The following OR10G7 variants were observed in gnomAD, a reference collection of about 807,000 sequenced individuals.
OR10G7 encodes olfactory receptor 10G7.
For missense variants in OR10G7, 338 were observed against 382.1 expected (o/e 0.88, Z 0.96); for synonymous variants, 165 against 167.4 (o/e 0.99, Z 0.11).
intron 1 of OR10G7, among the ~76,000 whole-genome samples, chr11:124,039,699 C>T (rs1316039026): frequency 6.6e-6 from 1 of 152,086 alleles, no homozygotes; most frequent in Admixed American, 6.5e-5. Context: ...TGGTACCGGT[C>T]CATGGCCTGT....
intron 1 of OR10G7, among the ~76,000 whole-genome samples, chr11:124,040,432 C>T (rs1401049600): frequency 6.6e-6 from 1 of 151,608 alleles, no homozygotes; most frequent in Non-Finnish European, 1.5e-5. Context: ...ATTATATTTT[C>T]AAGAGAAAAT....
rs470208 is a variant in OR10G7, at chr11:124,038,734, T to C, written c.268A>G (p.Thr90Ala). 3,160 of 1,612,360 alleles carry C rather than the reference T, an allele frequency of 2.0e-3. 84 individuals carry two copies. The African/African-American group carries it at 0.033, about 17-fold the overall frequency. ...LMTLVSPSGR[T>A]ISFHSCVAQL... The stretch of plus-strand genomic sequence containing the variant: ...GCCACGCAGCTGTGGAAGGAGATAG[T>C]CCTGCCGCTTGGGGACACCAAGGTC... The change falls in exon 2 of 2, where the codon ACT becomes GCT. Residue 90 changes from threonine (T) to alanine (A), a missense_variant. Coordinates refer to ENST00000641585, the MANE Select transcript of OR10G7 (RefSeq NM_001004463.2).
rs1864211917 is a variant in OR10G7 at position 124,038,405 on chromosome 11, A to T, written c.597T>A (p.Phe199Leu). The T allele has an allele frequency of 6.2e-7, 1 of 1,614,050 alleles. No homozygotes were observed. The highest frequency in any genetic ancestry group is 8.5e-7 in the Non-Finnish European group (1 of 1,179,982). ...ADTSANEMVI[F>L]VNIGLVASGC... is the part of the protein sequence containing the mutation. ...CCGAGGCCACTAGCCCAATATTCAC[A>T]AAGATGACCATCTCGTTGGCTGAGG... The change falls in exon 2 of 2, where the codon TTT (phenylalanine) becomes TTA (leucine). Residue 199 changes from phenylalanine (F) to leucine (L), a missense_variant. Coordinates refer to ENST00000641585, the MANE Select transcript of OR10G7 (RefSeq NM_001004463.2).
At chr11:124,040,163 G>T (rs187740244) in intron 1 of OR10G7, among the ~76,000 whole-genome samples, 1 of 152,160 alleles carries the variant, frequency 6.6e-6, no homozygotes, top group East Asian at 1.9e-4. Flanking sequence ...TCTAAAGTAT[G>T]ATCAAATAAT....
At chr11:124,040,568 T>TGG (rs200920182) in intron 1 of OR10G7, among the ~76,000 whole-genome samples, 68 of 151,694 alleles carry the variant, frequency 4.5e-4, no homozygotes, top group African/African-American at 1.5e-3. Flanking sequence ...ACATTTTTTG[T>TGG]GGGGGGGGCT....
rs140026196 is a variant in OR10G7, at chr11:124,038,427, G to T, written c.575C>A (p.Ser192Ter). 2,675 of 1,613,970 alleles carry T rather than the reference G, an allele frequency of 1.7e-3. 53 individuals carry two copies. The African/African-American group carries it at 0.029, about 18-fold the overall frequency. ...CACAAAGATGACCATCTCGTTGGCTGAGGTGTCTGCACAGGCCAGTTTCAG... is the reference window on the plus strand; with the variant it reads ...CACAAAGATGACCATCTCGTTGGCTTAGGTGTCTGCACAGGCCAGTTTCAG... ...PILKLACADT[S>*]ANEMVIFVNI... The change falls in exon 2 of 2, where the codon TCA becomes TAA. Residue 192 changes from serine to a stop codon, truncating the protein, a stop_gained. Coordinates refer to ENST00000641585, the MANE Select transcript of OR10G7 (RefSeq NM_001004463.2). LOFTEE classifies it low-confidence loss of function (END_TRUNC).
chr11:124,038,963 C>A lies in OR10G7; in HGVS notation c.39G>T (p.Thr13=). 6.2e-7 allele frequency: 1 copy of A among 1,613,298 alleles called. No homozygotes were observed. Among genetic ancestry groups the A allele is most frequent in the South Asian group, 1.1e-5 (1 of 91,038 alleles). The change falls in exon 2 of 2, where the codon ACG becomes ACT. Residue 13 remains threonine (T), a synonymous_variant. Transcript: ENST00000641585. ...CCAGCCCTGGGGCATGGGGAAGGCC[C>A]GTGAGGATGAACGCTGTCAGTAGGG... ...NATLLTAFIL[T]GLPHAPGLDA...
At chr11:124,039,938 C>T (rs1173637692) in intron 1 of OR10G7, among the ~76,000 whole-genome samples, 1 of 150,934 alleles carries the variant, frequency 6.6e-6, no homozygotes, top group African/African-American at 2.4e-5. Flanking sequence ...AAATTGTCTT[C>T]CATTAAACCA....
Position 124,038,171 on chromosome 11 carries a change from C to T in OR10G7, c.831G>A (p.Thr277=), listed in dbSNP as rs755802892. The T allele has an allele frequency of 5.6e-6, 9 of 1,614,058 alleles. No homozygotes were observed. The highest frequency in any genetic ancestry group is 4.5e-5 in the East Asian group (2 of 44,880). ...CAACAGGGTTGAAAAGAGGAGTCAG[C>T]GTGGTGTAGAAAACGGCCACAACCC... ...LHGVVAVFYT[T]LTPLFNPVVY... The change falls in exon 2 of 2, where the codon ACG becomes ACA. Residue 277 remains threonine, a synonymous_variant. Transcript: ENST00000641585.
Position 124,038,203 on chromosome 11 carries a change from A to G in OR10G7, c.799T>C (p.Leu267=). 6.2e-7 allele frequency: 1 copy of G among 1,614,008 alleles called. No homozygotes were observed. The highest frequency in any genetic ancestry group is 8.5e-7 in the Non-Finnish European group (1 of 1,179,994). Residue 267 remains leucine, a synonymous_variant, in exon 2 of 2, where the codon TTG becomes CTG. Coordinates refer to ENST00000641585, the MANE Select transcript of OR10G7 (RefSeq NM_001004463.2). ...IYLRPGSRDA[L]HGVVAVFYTT... is the part of the protein sequence containing the mutation. ...TAGAAAACGGCCACAACCCCATGCA[A>G]GGCGTCCCTGGAGCCTGGCCTCAGG...
Position 124,038,098 on chromosome 11 carries a change from T to C in OR10G7, c.904A>G (p.Lys302Glu), listed in dbSNP as rs1864206399. 6.2e-7 allele frequency: 1 copy of C among 1,613,070 alleles called. No individual in the cohort carries two copies. The highest frequency in any genetic ancestry group is 1.3e-5 in the African/African-American group (1 of 74,876). Residue 302 changes from lysine to glutamate, a missense_variant, in exon 2 of 2, where the codon AAA (lysine) becomes GAA (glutamate). By Grantham distance (56) the Lys-to-Glu change is moderately conservative (BLOSUM62 1). Coordinates refer to ENST00000641585, the MANE Select transcript of OR10G7 (RefSeq NM_001004463.2). ...KEVKKALLKL[K>E]NGSVFAQGE ...CCCTGAGCAAATACTGACCCATTTT[T>C]CAGCTTCAACAGAGCTTTCTTTACC...
chr11:124,038,104 T>C lies in OR10G7; in HGVS notation c.898A>G (p.Lys300Glu), dbSNP rs553750424. 1.2e-6 allele frequency: 2 copies of C among 1,613,572 alleles called. No homozygotes were observed. The highest frequency in any genetic ancestry group is 3.3e-5 in the Admixed American group (2 of 59,932). Residue 300 changes from lysine to glutamate, a missense_variant, in exon 2 of 2, where the codon AAG becomes GAG. Coordinates refer to ENST00000641585, the MANE Select transcript of OR10G7 (RefSeq NM_001004463.2). ...RNKEVKKALL[K>E]LKNGSVFAQG... ...GCAAATACTGACCCATTTTTCAGCT[T>C]CAACAGAGCTTTCTTTACCTCCTTG...
In OR10G7 at chr11:124,036,369, A is replaced by C. The variant is rs1864192725; in HGVS notation, c.*1697T>G. The C allele has an allele frequency of 6.6e-6, 1 of 152,234 alleles. No homozygotes were observed. The highest frequency in any genetic ancestry group is 1.5e-5 in the Non-Finnish European group (1 of 68,044). 9.4% of individuals were successfully genotyped at this position (152,234 alleles called of 1,614,324 possible). On this transcript the variant is annotated 3_prime_UTR_variant, in exon 2 of 2. Coordinates refer to ENST00000641585, the MANE Select transcript of OR10G7 (RefSeq NM_001004463.2). The stretch of plus-strand genomic sequence containing the variant: ...GAATCCTTTAGCATCTTTCCAAGTC[A>C]AAACTAATAATGAATCTCTCCTTGG...
At chr11:124,039,047 T>C (rs746456749) in intron 1 of OR10G7, 26 bp from the exon 2 acceptor site, 81 of 1,575,788 alleles carry the variant, frequency 5.1e-5, no homozygotes, top group Non-Finnish European at 6.9e-5. Flanking sequence ...GGAAGGGAGA[T>C]AGCATTTACT....
chr11:124,039,695 C>A (rs891483848), intron 1 of OR10G7, among the ~76,000 whole-genome samples: 1 of 152,092 alleles, frequency 6.6e-6, no homozygotes, highest in African/African-American at 2.4e-5. Flanking sequence ...GGACTGGTAC[C>A]GGTCCATGGC....
At chr11:124,039,999 A>T (rs1864230199) in intron 1 of OR10G7, among the ~76,000 whole-genome samples, 1 of 152,058 alleles carries the variant, frequency 6.6e-6, no homozygotes. Context: ...CCTAGATCAT[A>T]CCTTCCTGGT....
Position 124,037,675 on chromosome 11 carries a change from A to C in OR10G7, c.*391T>G, listed in dbSNP as rs1390512801. 6.6e-6 allele frequency: 1 copy of C among 152,474 alleles called. No individual in the cohort carries two copies. The highest frequency in any genetic ancestry group is 1.5e-5 in the Non-Finnish European group (1 of 68,268). 9.4% of individuals were successfully genotyped at this position (152,474 alleles called of 1,614,324 possible). On this transcript the variant is annotated 3_prime_UTR_variant, in exon 2 of 2. Transcript: ENST00000641585. ...TTATGTAGTTATTTATGAATGCTAT[A>C]ATGAATTTTTCAATATAGAAAGTTT...
rs760241811 is a variant in OR10G7 at position 124,038,963 on chromosome 11, C to T, written c.39G>A (p.Thr13=). 36 of 1,613,160 alleles carry T rather than the reference C, an allele frequency of 2.2e-5. No homozygotes were observed. Among genetic ancestry groups the T allele is most frequent in the South Asian group, 3.3e-5 (3 of 91,042 alleles). Residue 13 remains threonine (T), a synonymous_variant, in exon 2 of 2, where the codon ACG becomes ACA. Coordinates refer to ENST00000641585, the MANE Select transcript of OR10G7 (RefSeq NM_001004463.2). ...NATLLTAFIL[T]GLPHAPGLDA... ...CCAGCCCTGGGGCATGGGGAAGGCC[C>T]GTGAGGATGAACGCTGTCAGTAGGG...
At position 124,037,835 on chromosome 11, in the gene OR10G7, G is replaced by A. The variant is rs974643461; in HGVS notation, c.*231C>T. 6.4e-5 allele frequency: 19 copies of A among 298,806 alleles called. No homozygotes were observed. Among genetic ancestry groups the A allele is most frequent in the East Asian group, 4.5e-4 (8 of 17,706 alleles). 18.5% of individuals were successfully genotyped at this position (298,806 alleles called of 1,614,324 possible). On this transcript the variant is annotated 3_prime_UTR_variant, in exon 2 of 2. Transcript: ENST00000641585. ...TACTTTTCTGATTACTTAATGGAACGTGAAAAGAATAGACTATTATCCTTT... is the reference window on the plus strand; with the variant it reads ...TACTTTTCTGATTACTTAATGGAACATGAAAAGAATAGACTATTATCCTTT...
Sources: allele counts gnomAD v4.1 joint callset (sites outside exome capture counted in the v4.1 genomes callset), GRCh38; gene constraint gnomAD v4.1.1; transcripts MANE v1.5; gene names NCBI Gene and HGNC (gene_info 2026-07-23, HGNC 2026-07-21).